PTPRD: variants seen among roughly 807,000 people sequenced by gnomAD.
PTPRD encodes receptor-type tyrosine-protein phosphatase delta.
In PTPRD, 34 loss-of-function variants were observed where a neutral mutation model predicts 214.5. That is an observed-to-expected ratio of 0.16 (90% CI 0.12 to 0.21). The LOEUF (loss-of-function observed/expected upper bound fraction) is 0.21. Ranked by LOEUF, PTPRD falls within the 10% of genes least tolerant of loss-of-function variation. The pLI, the probability that PTPRD is intolerant of heterozygous loss-of-function variation, is 1.00. For missense variants in PTPRD, 2,545 were observed against 2,398.7 expected, an observed-to-expected ratio of 1.06 and a Z score of -1.27; for synonymous variants, 1,128 against 845.7, an observed-to-expected ratio of 1.33 and a Z score of -5.79.
intron 11 of PTPRD, among the ~76,000 whole-genome samples, chr9:9,007,878 GA>G (rs1358505472): frequency 6.0e-5 from 7 of 116,288 alleles, no homozygotes; most frequent in African/African-American, 1.9e-4. Context: ...ACCCATTTTA[GA>G]AAAGTGTTTT....
intron 11 of PTPRD, among the ~76,000 whole-genome samples, chr9:8,867,659 T>G (rs916060670): frequency 6.6e-6 from 1 of 152,230 alleles, no homozygotes; most frequent in African/African-American, 2.4e-5. Flanking sequence ...GATGAGAAAT[T>G]AGAGCAAATG....
At chr9:10,106,255 C>A (rs2098631464) in intron 3 of PTPRD, among the ~76,000 whole-genome samples, 1 of 151,718 alleles carries the variant, frequency 6.6e-6, no homozygotes, top group African/African-American at 2.4e-5. Flanking sequence ...TGTTCTAGGA[C>A]CTCCTAGAAA....
At chr9:9,365,734 G>T (rs1420372241) in intron 9 of PTPRD, among the ~76,000 whole-genome samples, 1 of 151,432 alleles carries the variant, frequency 6.6e-6, no homozygotes, top group South Asian at 2.1e-4. Context: ...CCTTCCTTGT[G>T]TGCTGTCGAC....
At chr9:9,386,874 G>C (rs758991692) in intron 9 of PTPRD, among the ~76,000 whole-genome samples, 5 of 152,096 alleles carry the variant, frequency 3.3e-5, no homozygotes, top group Non-Finnish European at 5.9e-5. Flanking sequence ...GTCCATCTCA[G>C]GCTCCTGAGC....
intron 3 of PTPRD, among the ~76,000 whole-genome samples, chr9:10,281,308 T>C (rs2095097240): frequency 6.6e-6 from 1 of 150,998 alleles, no homozygotes; most frequent in African/African-American, 2.5e-5. Flanking sequence ...AAATTATTTT[T>C]CAGTTGTATC....
At chr9:9,371,542 G>A (rs1182799353) in intron 9 of PTPRD, among the ~76,000 whole-genome samples, 2 of 152,038 alleles carry the variant, frequency 1.3e-5, no homozygotes, top group African/African-American at 4.8e-5. Flanking sequence ...TATCAGTTTT[G>A]TTGATCTTTT....
intron 2 of PTPRD, among the ~76,000 whole-genome samples, chr9:10,587,306 T>C (rs2132684119): frequency 6.6e-6 from 1 of 152,208 alleles, no homozygotes; most frequent in Admixed American, 6.5e-5. Context: ...CACAAAACTA[T>C]CGTCTGGATA....
At chr9:9,554,553 C>T (rs768712088) in intron 8 of PTPRD, among the ~76,000 whole-genome samples, 12 of 151,818 alleles carry the variant, frequency 7.9e-5, no homozygotes, top group Non-Finnish European at 1.5e-4. Context: ...ATTCTGGCAC[C>T]ATCCAAGAGA....
intron 2 of PTPRD, among the ~76,000 whole-genome samples, chr9:10,497,032 T>C (rs1162831304): frequency 1.3e-5 from 2 of 151,988 alleles, no homozygotes; most frequent in East Asian, 3.9e-4. Context: ...TAATCCTAAG[T>C]GAATTATCAC....
chr9:9,219,674 G>T (rs1460013360), intron 9 of PTPRD, among the ~76,000 whole-genome samples: 1 of 152,158 alleles, frequency 6.6e-6, no homozygotes, highest in Non-Finnish European at 1.5e-5. Context: ...CACCAAACTT[G>T]ATTCTCTGGT....
intron 7 of PTPRD, among the ~76,000 whole-genome samples, chr9:9,659,051 G>C (rs984293825): frequency 3.9e-5 from 6 of 152,054 alleles, no homozygotes; most frequent in Non-Finnish European, 8.8e-5. Context: ...TTGGAAAGAT[G>C]AGAATGAAAG....
chr9:8,395,090 T>G (rs1157744816), intron 36 of PTPRD, among the ~76,000 whole-genome samples: 3 of 152,122 alleles, frequency 2.0e-5, no homozygotes, highest in African/African-American at 7.2e-5. Context: ...TCCCAGGTAC[T>G]TTTATTTTCT....
chr9:8,419,678 A>G (rs991277226), intron 35 of PTPRD, among the ~76,000 whole-genome samples: 1 of 151,996 alleles, frequency 6.6e-6, no homozygotes, highest in Non-Finnish European at 1.5e-5. Flanking sequence ...TATTTCATCC[A>G]GCTAGGGGAA....
At chr9:9,569,151 G>T (rs1034161633) in intron 8 of PTPRD, among the ~76,000 whole-genome samples, 1 of 151,568 alleles carries the variant, frequency 6.6e-6, no homozygotes, top group Non-Finnish European at 1.5e-5. Flanking sequence ...AGTAATAATA[G>T]TAATAATCCT....
intron 4 of PTPRD, among the ~76,000 whole-genome samples, chr9:10,024,229 G>A (rs943887897): frequency 6.6e-6 from 1 of 152,056 alleles, no homozygotes; most frequent in Non-Finnish European, 1.5e-5. Flanking sequence ...TTTAAGTAAT[G>A]AATTTAATTT....
In PTPRD at chr9:8,340,438, G is replaced by A; in HGVS notation, c.5158C>T (p.Pro1720Ser). Residue 1720 changes from proline to serine, a missense_variant, in exon 42 of 46, where the codon CCC becomes TCC. Transcript: ENST00000381196. ...QQKAYIATQG[P>S]LAETTEDFWR... ...AAGTCTTCAGTGGTCTCTGCCAAGG[G>A]CCCCTGGGTAGCGATGTAGGCTTTC... is the stretch of plus-strand genomic sequence containing the variant. 6.2e-7 allele frequency: 1 copy of A among 1,606,312 alleles called. No individual in the cohort carries two copies. Among genetic ancestry groups the A allele is most frequent in the Non-Finnish European group, 8.5e-7 (1 of 1,174,456 alleles).
chr9:9,627,365 C>T (rs1352717065), intron 7 of PTPRD, among the ~76,000 whole-genome samples: 5 of 152,174 alleles, frequency 3.3e-5, no homozygotes, highest in Admixed American at 2.0e-4. Context: ...TTAGTCAATT[C>T]TCCTGCTTAA....
At chr9:10,428,845 T>C (rs1432472386) in intron 2 of PTPRD, among the ~76,000 whole-genome samples, 1 of 152,004 alleles carries the variant, frequency 6.6e-6, no homozygotes, top group Non-Finnish European at 1.5e-5. Context: ...TTTGAGGAAA[T>C]GCAGCCTGGC....
intron 43 of PTPRD, 146 bp from the exon 44 acceptor site, chr9:8,331,882 T>G: frequency 6.4e-6 from 6 of 944,128 alleles, no homozygotes; most frequent in Non-Finnish European, 7.5e-6. Context: ...AGAAACTTAG[T>G]TATGGTTTAT....
Sources: allele counts gnomAD v4.1 joint callset (sites outside exome capture counted in the v4.1 genomes callset), GRCh38; gene constraint gnomAD v4.1.1; transcripts MANE v1.5; gene names NCBI Gene and HGNC (gene_info 2026-07-23, HGNC 2026-07-21).